Variants in CFAP92 observed in about 807,000 individuals in gnomAD.
CFAP92 encodes cilia and flagella associated protein 92 (putative), also known as uncharacterized protein CFAP92.
In CFAP92, 86 loss-of-function variants were observed where a neutral mutation model predicts 106.3. That is an observed-to-expected ratio of 0.81 (90% CI 0.68 to 0.97). The LOEUF (loss-of-function observed/expected upper bound fraction) is 0.97. CFAP92 is among the 50% of genes least tolerant of loss of function. CFAP92 has a pLI of 0.00. For synonymous variants in CFAP92, 477 were observed against 506.4 expected (o/e 0.94, Z 0.78); for missense variants, 1,204 against 1,283.8 (o/e 0.94, Z 0.95).
chr3:129,016,532 C>A, the CFAP92 span, among the ~76,000 whole-genome samples: 2 of 150,660 alleles, frequency 1.3e-5, no homozygotes, highest in Non-Finnish European at 3.0e-5. Flanking sequence ...AGCCCATAAG[C>A]CGTGCCCGTG....
intron 4 of CFAP92, among the ~76,000 whole-genome samples, chr3:128,981,028 CTTT>C (rs1195200246): frequency 6.6e-6 from 1 of 150,920 alleles, no homozygotes; most frequent in Non-Finnish European, 1.5e-5. Flanking sequence ...TTTCCGGAAG[CTTT>C]TTCTTTCTTT....
intron 1 of CFAP92, among the ~76,000 whole-genome samples, chr3:128,999,838 C>G (rs1365517592): frequency 1.3e-5 from 2 of 152,074 alleles, no homozygotes; most frequent in Admixed American, 6.6e-5. Flanking sequence ...CCACCGCGAC[C>G]GGCCAAGAAA....
At chr3:128,910,690 G>A in intron 15 of CFAP92, 2 of 1,604,462 alleles carry the variant, frequency 1.2e-6, no homozygotes, top group Non-Finnish European at 1.7e-6. Flanking sequence ...GAAGCTCAGA[G>A]GTCTGATTCC....
At position 128,935,145 on chromosome 3, in the gene CFAP92, C is replaced by T; in HGVS notation, c.2433G>A (p.Arg811=). ...VFFLRDTERR[R]VFQALARIHD... is the part of the protein sequence containing the mutation. ...CCCACCTGGCTAGAGCCTGGAAGAC[C>T]CGCCTCCGCTCAGTGTCTCGCAGGA... The change falls in exon 11 of 16, where the codon CGG becomes CGA. Residue 811 remains arginine (R), a synonymous_variant. Coordinates refer to ENST00000645291, the MANE Select transcript of CFAP92 (RefSeq NM_001394090.1). 2 of 1,530,868 alleles carry T rather than the reference C, an allele frequency of 1.3e-6. No homozygotes were observed. The highest frequency in any genetic ancestry group is 1.7e-6 in the Non-Finnish European group (2 of 1,143,638). The allele number at this position is 1,530,868 out of a possible 1,614,324, so 94.8% of individuals were successfully genotyped here.
At chr3:128,926,821 C>T (rs1031169528) in intron 12 of CFAP92, among the ~76,000 whole-genome samples, 44 of 152,166 alleles carry the variant, frequency 2.9e-4, no homozygotes, top group African/African-American at 9.6e-4. Context: ...AGAGGCTGGG[C>T]GAGGTTGCTC....
chr3:128,925,999 C>CTGT (rs771326953), intron 12 of CFAP92, among the ~76,000 whole-genome samples: 9 of 152,132 alleles, frequency 5.9e-5, no homozygotes, highest in Non-Finnish European at 1.2e-4. Flanking sequence ...CTTCTCAATA[C>CTGT]TGAAACAATG....
intron 5 of CFAP92, among the ~76,000 whole-genome samples, chr3:128,977,597 C>A (rs960335870): frequency 6.6e-6 from 1 of 152,200 alleles, no homozygotes; most frequent in East Asian, 1.9e-4. Context: ...CAGTGGCTCA[C>A]ACCTATAATC....
chr3:128,928,885 C>T (rs1014489106), intron 12 of CFAP92, among the ~76,000 whole-genome samples: 12 of 152,020 alleles, frequency 7.9e-5, no homozygotes, highest in African/African-American at 2.7e-4. Flanking sequence ...ATTTGCAAAT[C>T]ATATTTCTCA....
chr3:129,011,550 CAAAA>C, the CFAP92 span, among the ~76,000 whole-genome samples: 1 of 93,466 alleles, frequency 1.1e-5, no homozygotes, highest in Non-Finnish European at 2.3e-5. Context: ...GACTCCGTCT[CAAAA>C]AAAAAAAAAA....
chr3:128,910,253 G>A lies in CFAP92; in HGVS notation c.*46C>T, dbSNP rs776597338. On this transcript the variant is annotated 3_prime_UTR_variant, in exon 16 of 16. Transcript: ENST00000645291. ...GAGGGTGTGGTCGGGTGTGGGGGAGGCTGTGCAGGTTCACCATGCGGTGGC... is the reference window on the plus strand; with the variant it reads ...GAGGGTGTGGTCGGGTGTGGGGGAGACTGTGCAGGTTCACCATGCGGTGGC... 175 of 1,567,992 alleles carry A rather than the reference G, an allele frequency of 1.1e-4. No homozygotes were observed. The highest frequency in any genetic ancestry group is 1.5e-4 in the Non-Finnish European group (169 of 1,159,740).
At position 128,915,359 on chromosome 3, in the gene CFAP92, C is replaced by A. The variant is rs771879026; in HGVS notation, c.3121G>T (p.Glu1041Ter). The change falls in exon 14 of 16, where the codon GAG (glutamate) becomes TAG (stop). Residue 1041 changes from glutamate to a stop codon, truncating the protein, a stop_gained and splice_region_variant. Coordinates refer to ENST00000645291, the MANE Select transcript of CFAP92 (RefSeq NM_001394090.1). LOFTEE classifies it high-confidence loss of function. ...LKLPPIKELN[E>*]EWKENSLFAN... is the part of the protein sequence containing the mutation. The stretch of plus-strand genomic sequence containing the variant: ...AGACCCTGCTCTTCCCTGTGGACCT[C>A]ATTCAGCTCTTTGATGGGTGGCAGC... 1 of 1,536,156 alleles carries A rather than the reference C, an allele frequency of 6.5e-7. No homozygotes were observed. Among genetic ancestry groups the A allele is most frequent in the South Asian group, 1.2e-5 (1 of 84,052 alleles).
chr3:128,911,372 T>A (rs920673711), intron 15 of CFAP92, among the ~76,000 whole-genome samples: 4 of 151,454 alleles, frequency 2.6e-5, no homozygotes, highest in African/African-American at 9.7e-5. Context: ...AAGGCAATTT[T>A]AGATTGAGCA....
intron 12 of CFAP92, among the ~76,000 whole-genome samples, chr3:128,920,183 C>T (rs1050570227): frequency 9.9e-5 from 15 of 152,194 alleles, no homozygotes; most frequent in African/African-American, 3.6e-4. Context: ...GTGGGTGAAT[C>T]ACCTGAGGTG....
chr3:128,998,312 C>G (rs147864537), upstream of CFAP92, among the ~76,000 whole-genome samples: 1 of 152,296 alleles, frequency 6.6e-6, no homozygotes, highest in Non-Finnish European at 1.5e-5. Flanking sequence ...AGGTCCGATT[C>G]ATCATTTTTT....
rs752527457 is a variant in CFAP92, at chr3:128,993,177, G to GC, written c.127dup (p.Ala43GlyfsTer5). ...CGGGCGGTCAGAGTCAGACTCCTGG[G>GC]CCCTGGCCTTGGCCTTCAGGTGTTC... On this transcript the variant is annotated frameshift_variant, in exon 2 of 16. Coordinates refer to ENST00000645291, the MANE Select transcript of CFAP92 (RefSeq NM_001394090.1). LOFTEE classifies it high-confidence loss of function. The GC allele has an allele frequency of 2.5e-6, 4 of 1,613,954 alleles. No individual in the cohort carries two copies. The African/African-American group carries it at 5.3e-5, about 22-fold the overall frequency.
Position 128,945,927 on chromosome 3 carries a change from C to CTGGA in CFAP92, c.1398_1401dup (p.Val468SerfsTer31). ...TGGGGCTCCCCCTTGGTCTTGTGAACTGGAGTCTTATGGAACTGGTACTTG... is the reference window on the plus strand; with the variant it reads ...TGGGGCTCCCCCTTGGTCTTGTGAACTGGATGGAGTCTTATGGAACTGGTACTTG... On this transcript the variant is annotated frameshift_variant, in exon 10 of 16. Coordinates refer to ENST00000645291, the MANE Select transcript of CFAP92 (RefSeq NM_001394090.1). LOFTEE classifies it high-confidence loss of function. 2 of 1,452,028 alleles carry CTGGA rather than the reference C, an allele frequency of 1.4e-6. No homozygotes were observed. Among genetic ancestry groups the CTGGA allele is most frequent in the South Asian group, 1.5e-5 (1 of 68,694 alleles). 89.9% of individuals were successfully genotyped at this position (1,452,028 alleles called of 1,614,324 possible).
chr3:128,961,680 C>A (rs148644138), intron 9 of CFAP92, among the ~76,000 whole-genome samples: 8 of 152,174 alleles, frequency 5.3e-5, no homozygotes, highest in Non-Finnish European at 1.2e-4. Context: ...AACCCTGAGA[C>A]GCTTTACAGC....
intron 4 of CFAP92, among the ~76,000 whole-genome samples, chr3:128,981,130 A>G (rs959461452): frequency 6.7e-6 from 1 of 148,454 alleles, no homozygotes; most frequent in Non-Finnish European, 1.5e-5. Context: ...TCTGCCTCCC[A>G]GGTTCACGCC....
chr3:128,994,061 A>C lies in CFAP92; in HGVS notation c.-114T>G. On this transcript the variant is annotated 5_prime_UTR_variant, in exon 1 of 16. Transcript: ENST00000645291. The stretch of plus-strand genomic sequence containing the variant: ...TACCGGATCCACAGCCACCTGGGCG[A>C]AGAGACTCCAAGACTGAGAGGAGCG... 1.0e-6 allele frequency: 1 copy of C among 986,472 alleles called. No homozygotes were observed. The highest frequency in any genetic ancestry group is 1.2e-6 in the Non-Finnish European group (1 of 830,478). The allele number at this position is 986,472 out of a possible 1,614,324, so 61.1% of individuals were successfully genotyped here. A position where few individuals can be genotyped will look rare whatever the true frequency, so the allele number is the denominator to read the frequency against.
Sources: allele counts gnomAD v4.1 joint callset (sites outside exome capture counted in the v4.1 genomes callset), GRCh38; gene constraint gnomAD v4.1.1; transcripts MANE v1.5; gene names NCBI Gene and HGNC (gene_info 2026-07-23, HGNC 2026-07-21).